The following NPNT variants were observed in gnomAD, a reference collection of about 807,000 sequenced individuals.
The protein encoded by NPNT is nephronectin.
Under a neutral mutation model 68.6 loss-of-function variants are expected in NPNT, and 45 were observed. The observed-to-expected ratio is 0.66, with a 90% CI of 0.52 to 0.84. The LOEUF is 0.84. Among genes scored for constraint, NPNT ranks in the 40% least tolerant of loss-of-function variants. The probability of loss-of-function intolerance (pLI) is 0.00; values close to 1 mark genes in which losing one functional copy is unlikely to be tolerated. For missense variants in NPNT, 672 were observed against 714.8 expected, an observed-to-expected ratio of 0.94 and a Z score of 0.68; for synonymous variants, 233 against 253.3, an observed-to-expected ratio of 0.92 and a Z score of 0.76.
In NPNT at chr4:105,927,643, A is replaced by G. The variant is rs1014286196; in HGVS notation, c.265+215A>G. On this transcript the variant is annotated intron_variant, in intron 3 of 11. Coordinates refer to ENST00000379987, the MANE Select transcript of NPNT (RefSeq NM_001033047.3). Reference sequence around the variant, plus strand: ...AAATTGTATCCTCTTATTCTCTGATACTAATTAAAATGTATTTTGAAGAAA... The same window carrying G: ...AAATTGTATCCTCTTATTCTCTGATGCTAATTAAAATGTATTTTGAAGAAA... The G allele has an allele frequency of 1.5e-5, 4 of 274,066 alleles. No individual in the cohort carries two copies. The Admixed American group carries it at 1.9e-4, about 13-fold the overall frequency. The allele number at this position is 274,066 out of a possible 1,614,324, so 17.0% of individuals were successfully genotyped here.
At chr4:105,941,938 A>C (rs1297141266) in intron 7 of NPNT, among the ~76,000 whole-genome samples, 2 of 152,142 alleles carry the variant, frequency 1.3e-5, no homozygotes, top group Non-Finnish European at 2.9e-5. Context: ...AAAAAAACTT[A>C]GAATGTCTCT....
chr4:105,942,720 T>C lies in NPNT; in HGVS notation c.1159+18T>C, dbSNP rs373041694. ...TGTGTTCAGTAAGTCTAATAAATGT[T>C]AGCACATTTTCAATAGGCTCTTTAT... On this transcript the variant is annotated intron_variant, in intron 8 of 11. Coordinates refer to ENST00000379987, the MANE Select transcript of NPNT (RefSeq NM_001033047.3). 23 of 1,574,336 alleles carry C rather than the reference T, an allele frequency of 1.5e-5. No homozygotes were observed. In the African/African-American group the frequency reaches 2.7e-4, roughly 19 times the overall value.
At chr4:105,947,002 A>G (rs1270351023) in intron 8 of NPNT, among the ~76,000 whole-genome samples, 1 of 151,896 alleles carries the variant, frequency 6.6e-6, no homozygotes. Context: ...TGAGACAGAC[A>G]CTCCCAGAGC....
chr4:105,958,105 A>C (rs564032949), intron 8 of NPNT, among the ~76,000 whole-genome samples: 1 of 152,330 alleles, frequency 6.6e-6, no homozygotes, highest in South Asian at 2.1e-4. Context: ...CCTTGATTTA[A>C]AGATCATAAT....
At chr4:105,958,388 TCC>T (rs1226068973) in intron 8 of NPNT, 81 bp from the exon 9 acceptor site, 2 of 697,544 alleles carry the variant, frequency 2.9e-6, no homozygotes, top group East Asian at 5.4e-5. Context: ...GGCCTTTTCC[TCC>T]TGCCCTTGTT....
intron 3 of NPNT, 191 bp downstream of exon 3, chr4:105,927,619 A>G (rs896730822): frequency 4.2e-5 from 15 of 353,654 alleles, no homozygotes; most frequent in African/African-American, 2.7e-4. Context: ...CAATTAAACA[A>G]ATTGTATCCT....
intron 10 of NPNT, among the ~76,000 whole-genome samples, chr4:105,960,093 A>C (rs1008060814): frequency 1.3e-5 from 2 of 152,218 alleles, no homozygotes; most frequent in Non-Finnish European, 2.9e-5. Flanking sequence ...TACAGGCGTG[A>C]GCCACCGCGC....
At chr4:105,966,857 G>C (rs1291475744) in intron 10 of NPNT, among the ~76,000 whole-genome samples, 1 of 152,096 alleles carries the variant, frequency 6.6e-6, no homozygotes, top group Non-Finnish European at 1.5e-5. Flanking sequence ...AAACTGGTGA[G>C]GGTCACAAGG....
At chr4:105,938,950 C>T (rs561434320) in intron 5 of NPNT, among the ~76,000 whole-genome samples, 10 of 152,236 alleles carry the variant, frequency 6.6e-5, no homozygotes, top group African/African-American at 2.4e-4. Flanking sequence ...AATAATACCA[C>T]ATAGAACTGG....
rs1255209884 is a variant in NPNT, at chr4:105,898,016, TG to T, written c.172+19del. On this transcript the variant is annotated intron_variant, in intron 2 of 11. Coordinates refer to ENST00000379987, the MANE Select transcript of NPNT (RefSeq NM_001033047.3). ...ACAGTGTCAGCGTGAGTATCAAGCC[TG>T]GGGACTTCAGTTCCCTGGGAGGTGT... 1.3e-6 allele frequency: 2 copies of T among 1,557,912 alleles called. No homozygotes were observed. Among genetic ancestry groups the T allele is most frequent in the East Asian group, 2.2e-5 (1 of 44,448 alleles).
chr4:105,970,542 G>C lies in NPNT; in HGVS notation c.*1552G>C. The C allele has an allele frequency of 1.5e-6, 1 of 682,204 alleles. No individual in the cohort carries two copies. Among genetic ancestry groups the C allele is most frequent in the Non-Finnish European group, 2.7e-6 (1 of 370,956 alleles). 42.3% of individuals were successfully genotyped at this position (682,204 alleles called of 1,614,324 possible). ...GGCACAGAGAGGGTGGCGACCAGCT[G>C]TTCTCCATATGCACTAAGAATAGAA... On this transcript the variant is annotated 3_prime_UTR_variant, in exon 12 of 12. Transcript: ENST00000379987.
intron 5 of NPNT, 103 bp downstream of exon 5, chr4:105,938,523 A>T: frequency 8.7e-7 from 1 of 1,143,202 alleles, no homozygotes; most frequent in East Asian, 2.4e-5. Flanking sequence ...TACTTACATC[A>T]GATAATTAGC....
chr4:105,948,991 A>G (rs1473695705), intron 8 of NPNT, among the ~76,000 whole-genome samples: 1 of 152,174 alleles, frequency 6.6e-6, no homozygotes, highest in African/African-American at 2.4e-5. Flanking sequence ...TCCGGTGGGC[A>G]TGATTTGAGC....
In NPNT at chr4:105,906,544, A is replaced by G. The variant is rs556335328; in HGVS notation, c.172+8543A>G. On this transcript the variant is annotated intron_variant, in intron 2 of 11. Coordinates refer to ENST00000379987, the MANE Select transcript of NPNT (RefSeq NM_001033047.3). ...CAGAATATCTAGCTGTGATGGATGA[A>G]CTGTATAGGGTTTTGGATGGACAGC... Among the ~76,000 whole-genome samples, 3 of 152,354 alleles carry G rather than the reference A, an allele frequency of 2.0e-5. No homozygotes were observed. In the East Asian group the frequency reaches 5.8e-4, roughly 29 times the overall value.
intron 10 of NPNT, among the ~76,000 whole-genome samples, chr4:105,964,766 A>C (rs1731988208): frequency 1.3e-5 from 2 of 152,182 alleles, no homozygotes; most frequent in African/African-American, 4.8e-5. Context: ...AATATTTAAA[A>C]ACATTTTTGT....
intron 3 of NPNT, among the ~76,000 whole-genome samples, chr4:105,934,740 C>T (rs1162440851): frequency 2.0e-5 from 3 of 152,218 alleles, no homozygotes; most frequent in Non-Finnish European, 2.9e-5. Flanking sequence ...ATGTTTTCTT[C>T]CTTTCACATA....
intron 8 of NPNT, among the ~76,000 whole-genome samples, chr4:105,951,562 G>A (rs1335404751): frequency 6.6e-6 from 1 of 152,136 alleles, no homozygotes; most frequent in Non-Finnish European, 1.5e-5. Flanking sequence ...GGTCTTCAAA[G>A]TAGTTTGCTT....
chr4:105,962,777 A>T (rs1731820977), intron 10 of NPNT, among the ~76,000 whole-genome samples: 1 of 152,138 alleles, frequency 6.6e-6, no homozygotes, highest in African/African-American at 2.4e-5. Flanking sequence ...ATAACCCAGC[A>T]CTGATGGGAA....
chr4:105,914,177 A>G (rs28699280), intron 2 of NPNT, among the ~76,000 whole-genome samples: 2,968 of 150,614 alleles, frequency 0.02, 95 homozygotes, highest in African/African-American at 0.067. Flanking sequence ...AGACTTCATG[A>G]ACTCAATGGT....
Sources: allele counts gnomAD v4.1 joint callset (sites outside exome capture counted in the v4.1 genomes callset), GRCh38; gene constraint gnomAD v4.1.1; transcripts MANE v1.5; gene names NCBI Gene and HGNC (gene_info 2026-07-23, HGNC 2026-07-21).